SPATA7: variants seen among roughly 807,000 people sequenced by gnomAD.
The protein encoded by SPATA7 is spermatogenesis associated 7, also known as spermatogenesis-associated protein 7.
In SPATA7, 43 loss-of-function variants were observed where a neutral mutation model predicts 51.8. The observed-to-expected ratio is 0.83, with a 90% CI of 0.65 to 1.07. The LOEUF is 1.07. Among genes scored for constraint, SPATA7 ranks in the 50% least tolerant of loss-of-function variants. The probability of loss-of-function intolerance (pLI) is 0.00; values close to 1 mark genes in which losing one functional copy is unlikely to be tolerated. For missense variants in SPATA7, 683 were observed against 701.3 expected, an observed-to-expected ratio of 0.97 and a Z score of 0.30; for synonymous variants, 230 against 252.8, an observed-to-expected ratio of 0.91 and a Z score of 0.86.
At chr14:88,461,803 G>A (rs1002659263) in intron 4 of SPATA7, among the ~76,000 whole-genome samples, 5 of 152,160 alleles carry the variant, frequency 3.3e-5, no homozygotes, top group Admixed American at 6.5e-5. Flanking sequence ...CGTCACTCGC[G>A]CTGGGAGCTG....
At chr14:88,466,868 T>C (rs918166956) in intron 4 of SPATA7, 5 of 152,222 alleles carry the variant, frequency 3.3e-5, no homozygotes, top group African/African-American at 1.2e-4. Context: ...AAAACTATTA[T>C]TAACTATTCC....
At chr14:88,468,102 T>C in intron 4 of SPATA7, 1 of 1,611,318 alleles carries the variant, frequency 6.2e-7, no homozygotes, top group Non-Finnish European at 8.5e-7. Context: ...CTGTAAACGC[T>C]TCACATGACT....
At chr14:88,412,493 C>T (rs1022389092) in intron 4 of SPATA7, among the ~76,000 whole-genome samples, 47 of 152,184 alleles carry the variant, frequency 3.1e-4, no homozygotes, top group Admixed American at 4.6e-4. Context: ...CTCAACCCTT[C>T]ACGTTTTTCT....
chr14:88,391,520 A>G (rs1217950867), intron 2 of SPATA7, 65 bp downstream of exon 2: 1 of 1,305,258 alleles, frequency 7.7e-7, no homozygotes, highest in African/African-American at 1.5e-5. Flanking sequence ...TTTACTGGCA[A>G]ATTATATGAC....
intron 4 of SPATA7, among the ~76,000 whole-genome samples, chr14:88,463,345 C>T (rs986198348): frequency 6.6e-6 from 1 of 152,196 alleles, no homozygotes; most frequent in African/African-American, 2.4e-5. Flanking sequence ...GTTCCTTACC[C>T]ATGCACAGCT....
chr14:88,470,131 A>G, exon 5 of SPATA7: 1 of 1,437,348 alleles, frequency 7.0e-7, no homozygotes, highest in Non-Finnish European at 9.4e-7. Flanking sequence ...TGGTAGTACT[A>G]AAAAAGTTTT....
chr14:88,435,384 C>T (rs866231319), intron 10 of SPATA7, among the ~76,000 whole-genome samples: 3 of 152,028 alleles, frequency 2.0e-5, no homozygotes, highest in African/African-American at 7.2e-5. Context: ...AAGAACGTCA[C>T]GGAGAGTGGG....
chr14:88,447,740 C>A (rs1469023402), intron 3 of SPATA7, among the ~76,000 whole-genome samples: 32 of 151,958 alleles, frequency 2.1e-4, no homozygotes, highest in South Asian at 1.2e-3. Flanking sequence ...TCCTTCACTT[C>A]TGAAGCTTAG....
At chr14:88,413,330 T>G (rs929322309) in intron 4 of SPATA7, among the ~76,000 whole-genome samples, 7 of 152,192 alleles carry the variant, frequency 4.6e-5, no homozygotes, top group Non-Finnish European at 1.0e-4. Flanking sequence ...GATTGTGTTC[T>G]TGATTTGGCT....
downstream of SPATA7, among the ~76,000 whole-genome samples, chr14:88,459,667 C>T (rs2077304907): frequency 6.6e-6 from 1 of 152,076 alleles, no homozygotes; most frequent in Non-Finnish European, 1.5e-5. Flanking sequence ...ACTCTTTATC[C>T]GTTTTGCCAG....
At chr14:88,413,306 A>C (rs1325763174) in intron 4 of SPATA7, among the ~76,000 whole-genome samples, 1 of 151,798 alleles carries the variant, frequency 6.6e-6, no homozygotes, top group Non-Finnish European at 1.5e-5. Context: ...TGTGTGTGTA[A>C]CTATTGTAAA....
rs761528724 is a variant in SPATA7, at chr14:88,429,450, C to A, written c.1015C>A (p.His339Asn). Reference protein sequence around the residue: ...WDEIKDDALQHSSPRAMCQYS... With the variant: ...WDEIKDDALQNSSPRAMCQYS... ...TGAGATTAAGGATGATGCTCTTCAG[C>A]ATTCCTCACCAAGGTAAACAGTTCA... The change falls in exon 8 of 12, where the codon CAT becomes AAT. Residue 339 changes from histidine (H) to asparagine (N), a missense_variant. His to Asn is a moderately conservative substitution (Grantham distance 68). Transcript: ENST00000393545. 1.2e-6 allele frequency: 2 copies of A among 1,606,056 alleles called. No individual in the cohort carries two copies. The highest frequency in any genetic ancestry group is 1.7e-6 in the Non-Finnish European group (2 of 1,173,034).
chr14:88,419,444 C>CTT (rs1010507480), intron 5 of SPATA7, among the ~76,000 whole-genome samples: 1 of 95,918 alleles, frequency 1.0e-5, no homozygotes, highest in Non-Finnish European at 2.3e-5. Context: ...ATGTTTTCTT[C>CTT]TTTTTTTTTT....
chr14:88,452,592 A>T (rs1305338649), intron 3 of SPATA7, among the ~76,000 whole-genome samples: 1 of 152,116 alleles, frequency 6.6e-6, no homozygotes, highest in Non-Finnish European at 1.5e-5. Context: ...CTTTCCTGGT[A>T]TATTCCTGCA....
chr14:88,395,474 T>A (rs896069649), intron 3 of SPATA7, among the ~76,000 whole-genome samples: 2 of 151,468 alleles, frequency 1.3e-5, no homozygotes. Flanking sequence ...TCAAGAAATA[T>A]TTGCCTAACC....
chr14:88,400,054 C>T (rs61579615), intron 4 of SPATA7, among the ~76,000 whole-genome samples: 35,367 of 152,072 alleles, frequency 0.23, 4,247 homozygotes, highest in East Asian at 0.3. Context: ...ATGAAACCTT[C>T]TTCAGAATAG....
intron 4 of SPATA7, chr14:88,468,306 T>C (rs961272001): frequency 1.2e-5 from 19 of 1,542,798 alleles, no homozygotes; most frequent in Non-Finnish European, 1.5e-5. Flanking sequence ...TGTGTTCCCC[T>C]GGGGAGACAG....
At chr14:88,442,509 G>T (rs2140037177), downstream of SPATA7, among the ~76,000 whole-genome samples, 1 of 152,200 alleles carries the variant, frequency 6.6e-6, no homozygotes, top group South Asian at 2.1e-4. Flanking sequence ...AGGGATGCTG[G>T]ATTTTGTCAA....
In SPATA7 at chr14:88,438,086, A is replaced by C; in HGVS notation, c.1464A>C (p.Pro488=). 2 of 1,614,168 alleles carry C rather than the reference A, an allele frequency of 1.2e-6. No homozygotes were observed. The highest frequency in any genetic ancestry group is 1.7e-6 in the Non-Finnish European group (2 of 1,180,012). Residue 488 remains proline, a synonymous_variant, in exon 12 of 12, where the codon CCA becomes CCC. Coordinates refer to ENST00000393545, the MANE Select transcript of SPATA7 (RefSeq NM_018418.5). ...PKDENEIFPS[P]TEFFMPIYKS... ...ATGAGAACGAGATATTCCCTTCACCAACTGAATTTTTCATGCCTATTTATA... is the reference window on the plus strand; with the variant it reads ...ATGAGAACGAGATATTCCCTTCACCCACTGAATTTTTCATGCCTATTTATA...
Sources: allele counts gnomAD v4.1 joint callset (sites outside exome capture counted in the v4.1 genomes callset), GRCh38; gene constraint gnomAD v4.1.1; transcripts MANE v1.5; gene names NCBI Gene and HGNC (gene_info 2026-07-23, HGNC 2026-07-21).